The following MAGEA11 variants were observed in gnomAD, a reference collection of about 807,000 sequenced individuals.
MAGEA11 encodes MAGE family member A11.
Under a neutral mutation model 8.4 loss-of-function variants are expected in MAGEA11, and 1 was observed. That is an observed-to-expected ratio of 0.12 (90% CI 0.04 to 0.57). The LOEUF is 0.57. Ranked by LOEUF, MAGEA11 falls within the 20% of genes least tolerant of loss-of-function variation. The pLI, the probability that MAGEA11 is intolerant of heterozygous loss-of-function variation, is 0.91. For missense variants in MAGEA11, 209 were observed against 317.3 expected (o/e 0.66, Z 2.59); for synonymous variants, 127 against 119.3 (o/e 1.06, Z -0.42).
chrX:149,695,402 TAAAAACAAAAA>T (rs1204461880), intron 1 of MAGEA11, among the ~76,000 whole-genome samples: 2 of 107,091 alleles, frequency 1.9e-5, no homozygotes, highest in African/African-American at 6.8e-5. Flanking sequence ...TTCCTCAAAC[TAAAAACAAAAA>T]AAAAACAAAA....
chrX:149,704,778 C>G (rs2090369380), intron 1 of MAGEA11, among the ~76,000 whole-genome samples: 1 of 112,462 alleles, frequency 8.9e-6, no homozygotes, highest in Non-Finnish European at 1.9e-5. Flanking sequence ...GTGTACCTGC[C>G]TGGCCTGGTC....
At chrX:149,697,946 C>T (rs1489121657) in intron 1 of MAGEA11, among the ~76,000 whole-genome samples, 1 of 111,922 alleles carries the variant, frequency 8.9e-6, no homozygotes, top group African/African-American at 3.3e-5. Flanking sequence ...CTTGTGAAGA[C>T]GGACATGTTT....
At chrX:149,713,085 C>T in intron 1 of MAGEA11, 58 bp from the exon 2 acceptor site, 1 of 788,486 alleles carries the variant, frequency 1.3e-6, no homozygotes, top group Non-Finnish European at 1.9e-6. Context: ...ACCCAGCACC[C>T]CAGAACAGCC....
At chrX:149,694,964 G>T (rs1169483997) in intron 1 of MAGEA11, among the ~76,000 whole-genome samples, 1 of 111,418 alleles carries the variant, frequency 9.0e-6, no homozygotes, top group African/African-American at 3.3e-5. Flanking sequence ...CAGGTGATCT[G>T]CCCACCTTGG....
chrX:149,713,111 G>A (rs782401612), intron 1 of MAGEA11, 32 bp from the exon 2 acceptor site: 7 of 990,795 alleles, frequency 7.1e-6, no homozygotes, highest in South Asian at 3.9e-5. Context: ...CCATAGTCCC[G>A]CCGTCTCAAA....
At position 149,716,614 on chromosome X, in the gene MAGEA11, C is replaced by T; in HGVS notation, c.1128C>T (p.Gly376=). 8.3e-7 allele frequency: 1 copy of T among 1,211,929 alleles called. No homozygotes were observed. The highest frequency in any genetic ancestry group is 1.8e-5 in the South Asian group (1 of 56,999). The change falls in exon 5 of 5, where the codon GGC becomes GGT. Residue 376 remains glycine, a synonymous_variant. Transcript: ENST00000355220. ...ACCTGGTGTACCGGCAGGTGCCCGG[C>T]ACTGATCCTGCATGCTATGAGTTCC... The part of the protein sequence containing the change: ...EKYLVYRQVP[G]TDPACYEFLW...
chrX:149,711,795 A>G, upstream of MAGEA11: 2 of 752,112 alleles, frequency 2.7e-6, no homozygotes, highest in Non-Finnish European at 1.6e-6. Context: ...GTCCGAGAGG[A>G]GCAGACATCA....
chrX:149,700,560 T>C (rs868909758), intron 1 of MAGEA11, among the ~76,000 whole-genome samples: 8 of 110,487 alleles, frequency 7.2e-5, no homozygotes, highest in African/African-American at 2.3e-4. Flanking sequence ...GAAATTTAAA[T>C]ATGTTAACTT....
chrX:149,691,739 C>T (rs2090311360), intron 1 of MAGEA11, among the ~76,000 whole-genome samples: 1 of 112,153 alleles, frequency 8.9e-6, no homozygotes, highest in Admixed American at 9.5e-5. Context: ...TTATTTTGTT[C>T]TGCAAATTTT....
upstream of MAGEA11, among the ~76,000 whole-genome samples, chrX:149,708,175 G>C (rs996450923): frequency 8.9e-6 from 1 of 112,178 alleles, no homozygotes; most frequent in Non-Finnish European, 1.9e-5. Flanking sequence ...TGAGAACATA[G>C]TCATAAATTA....
At chrX:149,707,084 G>A (rs1159294272), upstream of MAGEA11, among the ~76,000 whole-genome samples, 2 of 111,966 alleles carry the variant, frequency 1.8e-5, no homozygotes, top group Non-Finnish European at 3.8e-5. Context: ...CCTGGTCCAG[G>A]AGCCAACAAT....
intron 3 of MAGEA11, 103 bp downstream of exon 3, chrX:149,714,679 G>A (rs2124306083): frequency 8.9e-7 from 1 of 1,119,381 alleles, no homozygotes. Flanking sequence ...AGCATGTGCA[G>A]GACTATGTGC....
rs1557360035 is a variant in MAGEA11, at chrX:149,690,434, C to T, written c.9+1450C>T. ...AAATGTCTTGTTATGTGCAGGCTCA[C>T]CTTATTAGTATACCTCATGTGCAAT... On this transcript the variant is annotated intron_variant, in intron 1 of 3. Coordinates refer to the MAGEA11 transcript ENST00000333104. 2.7e-5 allele frequency among the ~76,000 whole-genome samples: 3 copies of T among 112,187 alleles called. No individual in the cohort carries two copies. In the Admixed American group the frequency reaches 2.8e-4, roughly 11 times the overall value.
chrX:149,706,917 T>A (rs2090379899), intron 1 of MAGEA11, among the ~76,000 whole-genome samples: 1 of 112,638 alleles, frequency 8.9e-6, no homozygotes, highest in African/African-American at 3.2e-5. Context: ...AAACAGGGCA[T>A]CAGGGAAAGG....
chrX:149,705,362 G>C (rs7061654), intron 1 of MAGEA11, among the ~76,000 whole-genome samples: 43 of 111,662 alleles, frequency 3.9e-4, no homozygotes, highest in Admixed American at 7.6e-4. Context: ...AATGAGAGTT[G>C]CCCTGCACAA....
chrX:149,692,737 A>G (rs1557360255), intron 1 of MAGEA11, among the ~76,000 whole-genome samples: 2 of 111,846 alleles, frequency 1.8e-5, no homozygotes. Context: ...TCCCCACCCA[A>G]ATCTCATCTT....
chrX:149,704,541 A>G lies in MAGEA11; in HGVS notation c.10-9940A>G, dbSNP rs188705397. 3.1e-3 allele frequency among the ~76,000 whole-genome samples: 350 copies of G among 112,612 alleles called. 1 individual carries two copies. Among genetic ancestry groups the G allele is most frequent in the African/African-American group, 9.2e-3 (284 of 31,033 alleles). On this transcript the variant is annotated intron_variant, in intron 1 of 3. Transcript: ENST00000333104. Reference sequence around the variant, plus strand: ...CAAATAAAACAAAGGGATCCCAGAGATAAATCAAGTGAGAAGATGGTGGAG... The same window carrying G: ...CAAATAAAACAAAGGGATCCCAGAGGTAAATCAAGTGAGAAGATGGTGGAG...
chrX:149,716,801 G>A lies in MAGEA11; in HGVS notation c.*25G>A, dbSNP rs781861854. 21 of 1,165,425 alleles carry A rather than the reference G, an allele frequency of 1.8e-5. No individual in the cohort carries two copies. In the East Asian group the frequency reaches 4.5e-4, roughly 25 times the overall value. On this transcript the variant is annotated 3_prime_UTR_variant, in exon 5 of 5. Transcript: ENST00000355220. Reference sequence around the variant, plus strand: ...AGCATGAGATGCAACCAGGGCCAGCGGGCAGGGAAATGGGCCAATGCATGC... The same window carrying A: ...AGCATGAGATGCAACCAGGGCCAGCAGGCAGGGAAATGGGCCAATGCATGC...
Position 149,715,898 on chromosome X carries a change from G to T in MAGEA11, c.412G>T (p.Ala138Ser), listed in dbSNP as rs144917570. 129 of 1,209,662 alleles carry T rather than the reference G, an allele frequency of 1.1e-4. No individual in the cohort carries two copies. In the African/African-American group the frequency reaches 2.1e-3, roughly 20 times the overall value. The change falls in exon 5 of 5, where the codon GCA becomes TCA. Residue 138 changes from alanine to serine, a missense_variant. Ala to Ser is a moderately conservative substitution (Grantham distance 99, BLOSUM62 1). Coordinates refer to ENST00000355220, the MANE Select transcript of MAGEA11 (RefSeq NM_005366.5). ...AGAAGAAGACCTGGGCCTGGTGGGT[G>T]CACAGGCTCTCCAAGCTGAGGAGCA... ...AQEEDLGLVG[A>S]QALQAEEQEA...
Sources: allele counts gnomAD v4.1 joint callset (sites outside exome capture counted in the v4.1 genomes callset), GRCh38; gene constraint gnomAD v4.1.1; transcripts MANE v1.5; gene names NCBI Gene and HGNC (gene_info 2026-07-23, HGNC 2026-07-21).